The following GSTCD variants were observed in gnomAD, a reference collection of about 807,000 sequenced individuals.
GSTCD encodes glutathione S-transferase C-terminal domain-containing protein.
In GSTCD, 44 loss-of-function variants were observed where a neutral mutation model predicts 68.3. That is an observed-to-expected ratio of 0.64 (90% CI 0.51 to 0.83). The LOEUF is 0.83. Ranked by LOEUF, GSTCD falls within the 40% of genes least tolerant of loss-of-function variation. GSTCD has a pLI of 0.00. For synonymous variants in GSTCD, 273 were observed against 255.2 expected (o/e 1.07, Z -0.67); for missense variants, 739 against 735.9 (o/e 1.00, Z -0.05).
At chr4:105,769,229 G>A (rs924349104) in intron 5 of GSTCD, among the ~76,000 whole-genome samples, 35 of 53,096 alleles carry the variant, frequency 6.6e-4, no homozygotes, top group South Asian at 8.1e-4. Context: ...TACTATACAC[G>A]CGCGCACACA....
intron 5 of GSTCD, among the ~76,000 whole-genome samples, chr4:105,795,681 A>G (rs1316105727): frequency 6.6e-6 from 1 of 152,132 alleles, no homozygotes; most frequent in African/African-American, 2.4e-5. Context: ...GCCTTCACAT[A>G]CATTTAGGGA....
intron 1 of GSTCD, among the ~76,000 whole-genome samples, chr4:105,713,878 A>G (rs905051991): frequency 5.9e-5 from 9 of 151,714 alleles, no homozygotes; most frequent in Admixed American, 1.3e-4. Context: ...AATGCCATAG[A>G]TCTTGACTTG....
chr4:105,791,581 A>G (rs1485638289), intron 5 of GSTCD, among the ~76,000 whole-genome samples: 2 of 152,086 alleles, frequency 1.3e-5, no homozygotes, highest in Non-Finnish European at 2.9e-5. Flanking sequence ...TTGTCCTTCC[A>G]CATTCCTGTC....
At chr4:105,737,182 C>G (rs1733490689) in intron 5 of GSTCD, among the ~76,000 whole-genome samples, 1 of 152,122 alleles carries the variant, frequency 6.6e-6, no homozygotes, top group Admixed American at 6.5e-5. Flanking sequence ...TTCATAATGG[C>G]TGTACTAGTT....
At chr4:105,772,305 A>G (rs138934421) in intron 5 of GSTCD, among the ~76,000 whole-genome samples, 91 of 152,310 alleles carry the variant, frequency 6.0e-4, no homozygotes, top group African/African-American at 2.2e-3. Flanking sequence ...GTCATCTGCA[A>G]ACAGAGATAA....
At position 105,845,374 on chromosome 4, in the gene GSTCD, C is replaced by T. The variant is rs571655457; in HGVS notation, c.1766-67C>T. 6.9e-6 allele frequency: 11 copies of T among 1,594,688 alleles called. No homozygotes were observed. In the Admixed American group the frequency reaches 1.3e-4, roughly 19 times the overall value. On this transcript the variant is annotated intron_variant, in intron 11 of 11. Transcript: ENST00000515279. ...CAGATTTTGTCACTATATAGATTCCCTTAAACAAACTGAAACTGTCCTGCT... is the reference window on the plus strand; with the variant it reads ...CAGATTTTGTCACTATATAGATTCCTTTAAACAAACTGAAACTGTCCTGCT...
chr4:105,723,280 A>G (rs1471593401), intron 3 of GSTCD, among the ~76,000 whole-genome samples: 1 of 151,912 alleles, frequency 6.6e-6, no homozygotes, highest in African/African-American at 2.4e-5. Context: ...TACCTTAGAG[A>G]GTATTTTTCA....
At chr4:105,800,334 A>T (rs1223198655) in intron 5 of GSTCD, among the ~76,000 whole-genome samples, 1 of 152,164 alleles carries the variant, frequency 6.6e-6, no homozygotes, top group African/African-American at 2.4e-5. Flanking sequence ...ACCCACCCCC[A>T]TAATTCAATC....
intron 5 of GSTCD, among the ~76,000 whole-genome samples, chr4:105,751,684 T>G (rs547072874): frequency 6.6e-6 from 1 of 152,198 alleles, no homozygotes; most frequent in South Asian, 2.1e-4. Context: ...CCTGAAAACT[T>G]CAAGACATCT....
chr4:105,809,046 A>C (rs1722646133), intron 5 of GSTCD, among the ~76,000 whole-genome samples: 1 of 152,118 alleles, frequency 6.6e-6, no homozygotes, highest in African/African-American at 2.4e-5. Flanking sequence ...TTAAGTGAAA[A>C]AGTAAAAGTT....
At chr4:105,833,740 T>TTATAGTAAGTATAGA (rs150081160) in intron 8 of GSTCD, among the ~76,000 whole-genome samples, 16,873 of 152,018 alleles carry the variant, frequency 0.11, 1,453 homozygotes, top group African/African-American at 0.23. Context: ...TGTAGTAAGA[T>TTATAGTAAGTATAGA]TATAGTAAGT....
At chr4:105,740,004 C>A (rs1733581836) in intron 5 of GSTCD, among the ~76,000 whole-genome samples, 1 of 152,038 alleles carries the variant, frequency 6.6e-6, no homozygotes, top group Admixed American at 6.5e-5. Flanking sequence ...GAGGTGGTCA[C>A]AGGTAGGCTT....
chr4:105,827,600 G>A (rs958547071), intron 8 of GSTCD, among the ~76,000 whole-genome samples: 1 of 152,008 alleles, frequency 6.6e-6, no homozygotes, highest in African/African-American at 2.4e-5. Flanking sequence ...TAGACTAAAT[G>A]CATCAGAGGT....
chr4:105,709,757 A>G (rs1732455449), intron 1 of GSTCD, among the ~76,000 whole-genome samples: 1 of 152,194 alleles, frequency 6.6e-6, no homozygotes, highest in Admixed American at 6.5e-5. Flanking sequence ...TGTGTGCTAC[A>G]TTATTGATAA....
At chr4:105,733,573 A>T (rs898502348) in intron 5 of GSTCD, among the ~76,000 whole-genome samples, 1 of 152,086 alleles carries the variant, frequency 6.6e-6, no homozygotes, top group African/African-American at 2.4e-5. Flanking sequence ...TTTTGAGCCT[A>T]TGTGTGTCTC....
intron 5 of GSTCD, among the ~76,000 whole-genome samples, chr4:105,784,375 G>A (rs1735388852): frequency 6.6e-6 from 1 of 152,198 alleles, no homozygotes; most frequent in African/African-American, 2.4e-5. Flanking sequence ...CCAGGGACCA[G>A]ACTAGCTTTA....
intron 5 of GSTCD, among the ~76,000 whole-genome samples, chr4:105,820,807 G>A (rs1723247731): frequency 6.6e-6 from 1 of 151,768 alleles, no homozygotes; most frequent in Non-Finnish European, 1.5e-5. Flanking sequence ...TGCAGTATTA[G>A]CAAGAAAAAT....
At chr4:105,789,635 C>T (rs1165291843) in intron 5 of GSTCD, among the ~76,000 whole-genome samples, 1 of 151,996 alleles carries the variant, frequency 6.6e-6, no homozygotes, top group Non-Finnish European at 1.5e-5. Context: ...AGAGGGAATT[C>T]ACAGTCTGTT....
At chr4:105,784,369 G>C (rs186791042) in intron 5 of GSTCD, among the ~76,000 whole-genome samples, 1 of 152,114 alleles carries the variant, frequency 6.6e-6, no homozygotes, top group African/African-American at 2.4e-5. Flanking sequence ...GAGACACCAG[G>C]GACCAGACTA....
Sources: gnomAD v4.1 joint callset for allele counts (sites outside exome capture counted in the v4.1 genomes callset) on GRCh38, gnomAD v4.1.1 for gene constraint, MANE v1.5 for transcripts, NCBI Gene and HGNC (gene_info 2026-07-23, HGNC 2026-07-21) for gene names.